Variants in ABCA13 observed in about 807,000 individuals in gnomAD.
The protein encoded by ABCA13 is ATP binding cassette subfamily A member 13.
ABCA13 carries 476 observed loss-of-function variants against 478.7 expected under a neutral mutation model. The observed-to-expected ratio is 0.99, with a 90% confidence interval of 0.92 to 1.07. The LOEUF is 1.07. Among genes scored for constraint, ABCA13 ranks in the 50% least tolerant of loss-of-function variants. The pLI is 0.00. For synonymous variants in ABCA13, 2,252 were observed against 2,158.9 expected, an observed-to-expected ratio of 1.04 and a Z score of -1.20; for missense variants, 6,060 against 5,910.6, an observed-to-expected ratio of 1.03 and a Z score of -0.83.
intron 27 of ABCA13, among the ~76,000 whole-genome samples, chr7:48,328,874 G>C (rs1804741072): frequency 6.6e-6 from 1 of 152,144 alleles, no homozygotes; most frequent in South Asian, 2.1e-4. Flanking sequence ...CTCACAATTT[G>C]ATATATTTTG....
intron 55 of ABCA13, among the ~76,000 whole-genome samples, chr7:48,531,165 A>G (rs1425932865): frequency 1.3e-5 from 2 of 152,166 alleles, no homozygotes; most frequent in African/African-American, 4.8e-5. Context: ...TGATGTTTGT[A>G]TAAGGTGAGA....
chr7:48,424,551 T>C (rs1259435043), intron 41 of ABCA13, among the ~76,000 whole-genome samples: 3 of 152,196 alleles, frequency 2.0e-5, no homozygotes, highest in African/African-American at 7.2e-5. Flanking sequence ...TTGCTGAAAG[T>C]TGCAGTTGTG....
At chr7:48,233,218 A>G (rs1584345191) in intron 7 of ABCA13, among the ~76,000 whole-genome samples, 1 of 152,178 alleles carries the variant, frequency 6.6e-6, no homozygotes, top group South Asian at 2.1e-4. Flanking sequence ...ATCCTATGAG[A>G]TAATGCTTGT....
Position 48,376,456 on chromosome 7 carries a change from A to G in ABCA13, c.11219A>G (p.Asn3740Ser). 1 of 1,613,774 alleles carries G rather than the reference A, an allele frequency of 6.2e-7. No individual in the cohort carries two copies. The highest frequency in any genetic ancestry group is 8.5e-7 in the Non-Finnish European group (1 of 1,179,778). Residue 3740 changes from asparagine to serine, a missense_variant, in exon 35 of 62, where the codon AAT becomes AGT. By Grantham distance (46) the Asn-to-Ser change is conservative (BLOSUM62 1). This residue lies in a region of ABCA13 where 4,423 missense variants were observed against 4,309.1 expected (regional missense o/e 1.03). Coordinates refer to ENST00000435803, the MANE Select transcript of ABCA13 (RefSeq NM_152701.5). ...EGQETGIQWN[N>S]MYQALEQGGM... ...TTCCTGCTAGGGATTCAATGGAATA[A>G]TATGTACCAGGCTCTGGAACAAGGG... is the stretch of plus-strand genomic sequence containing the variant.
At chr7:48,442,361 T>C (rs1047118103) in intron 42 of ABCA13, among the ~76,000 whole-genome samples, 1 of 152,234 alleles carries the variant, frequency 6.6e-6, no homozygotes, top group Non-Finnish European at 1.5e-5. Flanking sequence ...AGAGATGTTA[T>C]CTGATTTGCC....
At chr7:48,230,246 A>G (rs1788848942) in intron 7 of ABCA13, among the ~76,000 whole-genome samples, 1 of 152,170 alleles carries the variant, frequency 6.6e-6, no homozygotes, top group Non-Finnish European at 1.5e-5. Flanking sequence ...ATTTCATCTA[A>G]TATTAGACCT....
intron 31 of ABCA13, among the ~76,000 whole-genome samples, chr7:48,366,501 G>A (rs1446932821): frequency 6.6e-6 from 1 of 152,054 alleles, no homozygotes; most frequent in Non-Finnish European, 1.5e-5. Flanking sequence ...GGTAGTCTGT[G>A]AAGAAGAGAA....
chr7:48,573,093 A>C (rs1170662057), intron 55 of ABCA13, among the ~76,000 whole-genome samples: 1 of 152,022 alleles, frequency 6.6e-6, no homozygotes, highest in Non-Finnish European at 1.5e-5. Flanking sequence ...TTTGTATCAA[A>C]TTATATTAAT....
chr7:48,504,932 G>A (rs1563363882), intron 48 of ABCA13, among the ~76,000 whole-genome samples: 1 of 152,124 alleles, frequency 6.6e-6, no homozygotes, highest in East Asian at 1.9e-4. Flanking sequence ...GTGAAAGAAA[G>A]ACACATAGGA....
chr7:48,330,489 A>G (rs935447934), intron 27 of ABCA13, among the ~76,000 whole-genome samples: 44 of 143,712 alleles, frequency 3.1e-4, no homozygotes, highest in South Asian at 2.1e-3. Flanking sequence ...CCATCCGTCC[A>G]TCCATCCATC....
At chr7:48,245,667 C>A in intron 12 of ABCA13, 55 bp downstream of exon 12, 1 of 1,550,012 alleles carries the variant, frequency 6.5e-7, no homozygotes. Flanking sequence ...ATTCAAGAAG[C>A]TCATGCAATA....
chr7:48,494,382 C>T (rs533208377), intron 48 of ABCA13, among the ~76,000 whole-genome samples: 8 of 152,226 alleles, frequency 5.3e-5, no homozygotes, highest in Admixed American at 4.6e-4. Flanking sequence ...TGTTGGAATT[C>T]GGCTGGCATC....
chr7:48,359,797 T>C (rs1476433040), intron 31 of ABCA13, among the ~76,000 whole-genome samples: 5 of 152,026 alleles, frequency 3.3e-5, no homozygotes, highest in Non-Finnish European at 7.3e-5. Context: ...GGTGGTTCTT[T>C]CTATAGTAAG....
Position 48,412,432 on chromosome 7 carries a change from T to C in ABCA13, c.12308T>C (p.Phe4103Ser), listed in dbSNP as rs376306237. The C allele has an allele frequency of 6.2e-7, 1 of 1,613,632 alleles. No homozygotes were observed. The highest frequency in any genetic ancestry group is 8.5e-7 in the Non-Finnish European group (1 of 1,179,848). ...SLIKIYIPQA[F>S]LKDSSGSELT... ...ATAAAGATCTATATTCCACAAGCAT[T>C]TCTCAAAGACAGCAGTGGAAGTGAG... The change falls in exon 41 of 62, where the codon TTT (phenylalanine) becomes TCT (serine). Residue 4103 changes from phenylalanine (F) to serine (S), a missense_variant. By Grantham distance (155) the Phe-to-Ser change is radical. Around this residue, in one of 3 missense-constraint regions of ABCA13, gnomAD observed 1,627 missense variants for 1,571.0 expected, o/e 1.04. Coordinates refer to ENST00000435803, the MANE Select transcript of ABCA13 (RefSeq NM_152701.5).
intron 15 of ABCA13, among the ~76,000 whole-genome samples, chr7:48,258,653 CAGA>C (rs1430775490): frequency 6.6e-6 from 1 of 151,950 alleles, no homozygotes; most frequent in Non-Finnish European, 1.5e-5. Context: ...AAACCATGTG[CAGA>C]AGGGGTTGGT....
chr7:48,415,334 C>T (rs62447274), intron 41 of ABCA13, among the ~76,000 whole-genome samples: 2,768 of 152,020 alleles, frequency 0.018, 66 homozygotes, highest in African/African-American at 0.063. Flanking sequence ...GGGGGGTTAT[C>T]GAGAGAAATT....
At position 48,275,449 on chromosome 7, in the gene ABCA13, T is replaced by A; in HGVS notation, c.5783T>A (p.Val1928Asp). Reference sequence around the variant, plus strand: ...TTTTGGCATAAGATATTACCGTTTGTCCCACCTTCAATAAATCAAACTAGG... The same window carrying A: ...TTTTGGCATAAGATATTACCGTTTGACCCACCTTCAATAAATCAAACTAGG... ...QKFWHKILPF[V>D]PPSINQTRDS... Residue 1928 changes from valine to aspartate, a missense_variant, in exon 17 of 62, where the codon GTC (valine) becomes GAC (aspartate). Around this residue, in one of 3 missense-constraint regions of ABCA13, gnomAD observed 4,423 missense variants for 4,309.1 expected, o/e 1.03. Coordinates refer to ENST00000435803, the MANE Select transcript of ABCA13 (RefSeq NM_152701.5). 6.2e-7 allele frequency: 1 copy of A among 1,613,944 alleles called. No individual in the cohort carries two copies.
chr7:48,197,381 C>T (rs1798070714), intron 2 of ABCA13, among the ~76,000 whole-genome samples: 1 of 152,134 alleles, frequency 6.6e-6, no homozygotes, highest in African/African-American at 2.4e-5. Context: ...TCCAGGTCTG[C>T]TCCCTGGGGA....
At position 48,274,080 on chromosome 7, in the gene ABCA13, A is replaced by T; in HGVS notation, c.4414A>T (p.Ile1472Phe). The T allele has an allele frequency of 6.2e-7, 1 of 1,606,658 alleles. No individual in the cohort carries two copies. The highest frequency in any genetic ancestry group is 8.5e-7 in the Non-Finnish European group (1 of 1,175,732). The part of the protein sequence containing the change: ...YLKDVTDFLN[I>F]VLTTVFEKEK... ...GAAAGATGTAACTGACTTTCTAAAT[A>T]TTGTACTTACTACAGTCTTTGAAAA... The change falls in exon 17 of 62, where the codon ATT becomes TTT. Residue 1472 changes from isoleucine to phenylalanine, a missense_variant. Physicochemically the swap from Ile to Phe is conservative, Grantham distance 21. Coordinates refer to ENST00000435803, the MANE Select transcript of ABCA13 (RefSeq NM_152701.5).
Sources: gnomAD v4.1 joint callset for allele counts (sites outside exome capture counted in the v4.1 genomes callset) on GRCh38, gnomAD v4.1.1 for gene constraint, gnomAD v4.1.1 regional missense constraint, MANE v1.5 for transcripts, NCBI Gene and HGNC (gene_info 2026-07-23, HGNC 2026-07-21) for gene names.